Variants in TM7SF3 observed in about 807,000 individuals in gnomAD.
The protein encoded by TM7SF3 is seven span transmembrane protein.
In TM7SF3, 60 loss-of-function variants were observed where a neutral mutation model predicts 65.5. The ratio of observed to expected loss-of-function variants is 0.92; its 90% confidence interval spans 0.74 to 1.14. TM7SF3 has a LOEUF of 1.14. Among genes scored for constraint, TM7SF3 ranks in the 50% most tolerant of loss-of-function variants. TM7SF3 has a pLI of 0.00. For synonymous variants in TM7SF3, 264 were observed against 259.6 expected (o/e 1.02, Z -0.16); for missense variants, 623 against 684.8 (o/e 0.91, Z 1.01).
At chr12:26,977,072 C>T (rs931686586) in intron 9 of TM7SF3, among the ~76,000 whole-genome samples, 9 of 152,318 alleles carry the variant, frequency 5.9e-5, no homozygotes, top group African/African-American at 2.2e-4. Flanking sequence ...CTGACACTGG[C>T]ACCACCATTC....
intron 6 of TM7SF3, among the ~76,000 whole-genome samples, chr12:26,988,661 AGAG>A (rs999166496): frequency 2.6e-4 from 37 of 143,532 alleles, no homozygotes; most frequent in African/African-American, 9.0e-4. Flanking sequence ...CATATGGTTC[AGAG>A]AAGAAAATTG....
chr12:26,990,332 CAG>C (rs965768708), intron 6 of TM7SF3, 116 bp downstream of exon 6: 9 of 704,262 alleles, frequency 1.3e-5, no homozygotes, highest in African/African-American at 5.4e-5. Flanking sequence ...GTGCCTAGAA[CAG>C]AGAGTGGAAT....
At chr12:26,993,279 A>G (rs1218824431) in intron 5 of TM7SF3, among the ~76,000 whole-genome samples, 1 of 152,150 alleles carries the variant, frequency 6.6e-6, no homozygotes, top group East Asian at 1.9e-4. Flanking sequence ...TTTACGGCCA[A>G]TCTCAGTAAT....
chr12:26,997,468 T>G (rs563972561), intron 3 of TM7SF3, among the ~76,000 whole-genome samples: 1 of 152,356 alleles, frequency 6.6e-6, no homozygotes, highest in East Asian at 1.9e-4. Context: ...GTATGCCAGC[T>G]GAAGCTCCTC....
At chr12:26,984,453 A>AAC (rs901835999) in intron 6 of TM7SF3, among the ~76,000 whole-genome samples, 12 of 150,112 alleles carry the variant, frequency 8.0e-5, no homozygotes, top group South Asian at 2.1e-4. Flanking sequence ...GAAAAACAAA[A>AAC]AAAAAAAACC....
chr12:27,008,270 G>A (rs577544750), intron 1 of TM7SF3, among the ~76,000 whole-genome samples: 26 of 152,062 alleles, frequency 1.7e-4, no homozygotes, highest in Middle Eastern at 3.4e-3. Flanking sequence ...ATTTTAATTC[G>A]CACTTCCCTA....
chr12:26,993,585 A>C (rs1029792856), intron 5 of TM7SF3, among the ~76,000 whole-genome samples: 1 of 152,100 alleles, frequency 6.6e-6, no homozygotes, highest in Non-Finnish European at 1.5e-5. Flanking sequence ...CTATAAGGTC[A>C]CTCCATGTTA....
rs1157373531 is a variant in TM7SF3 at position 26,979,847 on chromosome 12, T to A, written c.1126A>T (p.Met376Leu). Residue 376 changes from methionine (M) to leucine (L), a missense_variant, in exon 9 of 12, where the codon ATG becomes TTG. Transcript: ENST00000343028. ...WWRFGILSIC[M>L]LCVGLVLGFL... Reference sequence around the variant, plus strand: ...CCCAGCACTAGTCCAACACAGAGCATGCAGATCGAGAGGATTCCAAATCGC... The same window carrying A: ...CCCAGCACTAGTCCAACACAGAGCAAGCAGATCGAGAGGATTCCAAATCGC... 1.2e-6 allele frequency: 2 copies of A among 1,614,150 alleles called. No homozygotes were observed. The highest frequency in any genetic ancestry group is 1.3e-5 in the African/African-American group (1 of 75,054).
rs777939618 is a variant in TM7SF3 at position 26,982,788 on chromosome 12, T to C, written c.940A>G (p.Arg314Gly). 2.5e-6 allele frequency: 4 copies of C among 1,608,866 alleles called. No homozygotes were observed. Among genetic ancestry groups the C allele is most frequent in the Non-Finnish European group, 3.4e-6 (4 of 1,178,218 alleles). ...GACATAATACCTGTTTTCCAGAATC[T>C]GTGTCCAAAGAAACAAATGAAGAAA... is the stretch of plus-strand genomic sequence containing the variant. ...LGFFICFFGH[R>G]FWKTELFFIG... Residue 314 changes from arginine to glycine, a missense_variant, in exon 7 of 12, where the codon AGA becomes GGA. Arg to Gly is a moderately radical substitution (Grantham distance 125). Coordinates refer to ENST00000343028, the MANE Select transcript of TM7SF3 (RefSeq NM_016551.3).
Position 26,973,607 on chromosome 12 carries a change from C to G in TM7SF3, c.*358G>C, listed in dbSNP as rs1206786728. On this transcript the variant is annotated 3_prime_UTR_variant, in exon 12 of 12. Transcript: ENST00000343028. ...ACAGGCTCAGGTGAGAGACTTGTTT[C>G]AAGGGGTTATAAAAAGAAACACCAG... The G allele has an allele frequency of 5.7e-6, 1 of 175,940 alleles. No individual in the cohort carries two copies. The highest frequency in any genetic ancestry group is 2.4e-5 in the African/African-American group (1 of 42,048). The allele number at this position is 175,940 out of a possible 1,614,324, so 10.9% of individuals were successfully genotyped here. A position where few individuals can be genotyped will look rare whatever the true frequency, so the allele number is the denominator to read the frequency against.
At chr12:26,999,060 C>T (rs1057234107) in intron 3 of TM7SF3, among the ~76,000 whole-genome samples, 1 of 152,184 alleles carries the variant, frequency 6.6e-6, no homozygotes, top group Non-Finnish European at 1.5e-5. Flanking sequence ...CTAGTCACTA[C>T]CTGAGCTTTC....
In TM7SF3 at chr12:26,979,822, C is replaced by A; in HGVS notation, c.1151G>T (p.Gly384Val). Residue 384 changes from glycine (G) to valine (V), a missense_variant, in exon 9 of 12, where the codon GGG becomes GTG. Transcript: ENST00000343028. ...ICMLCVGLVLGFLISSVTFFT... is the reference protein window; with the variant it reads ...ICMLCVGLVLVFLISSVTFFT... ...GAAAGTCACTGACGAGATGAGGAAC[C>A]CCAGCACTAGTCCAACACAGAGCAT... 1 of 1,614,050 alleles carries A rather than the reference C, an allele frequency of 6.2e-7. No individual in the cohort carries two copies. Among genetic ancestry groups the A allele is most frequent in the Non-Finnish European group, 8.5e-7 (1 of 1,179,980 alleles).
chr12:27,002,539 G>T (rs1460618799), intron 2 of TM7SF3, among the ~76,000 whole-genome samples: 1 of 152,104 alleles, frequency 6.6e-6, no homozygotes, highest in African/African-American at 2.4e-5. Flanking sequence ...CAAATAAAAA[G>T]AAGTATAACT....
At chr12:26,983,090 A>G (rs1027576694) in intron 6 of TM7SF3, among the ~76,000 whole-genome samples, 2 of 152,158 alleles carry the variant, frequency 1.3e-5, no homozygotes, top group Non-Finnish European at 2.9e-5. Flanking sequence ...CAGACAATAT[A>G]TGCTTGCTGA....
intron 6 of TM7SF3, among the ~76,000 whole-genome samples, chr12:26,989,608 A>G (rs1401491097): frequency 6.6e-6 from 1 of 152,054 alleles, no homozygotes; most frequent in African/African-American, 2.4e-5. Context: ...GATTATACAG[A>G]AATTCTTTAT....
intron 6 of TM7SF3, 92 bp from the exon 7 acceptor site, chr12:26,982,951 T>C (rs1939881353): frequency 2.3e-6 from 2 of 862,254 alleles, no homozygotes; most frequent in Admixed American, 3.2e-5. Context: ...AAAAGCTAAG[T>C]GAACTGACAT....
At position 26,992,273 on chromosome 12, in the gene TM7SF3, A is replaced by T. The variant is rs532936190; in HGVS notation, c.691-1646T>A. Among the ~76,000 whole-genome samples the T allele has an allele frequency of 3.9e-3, 590 of 151,422 alleles. 3 individuals are homozygous for T. Among genetic ancestry groups the T allele is most frequent in the African/African-American group, 9.4e-3 (390 of 41,296 alleles). ...AACACAAAGGCTATTTTATTTTTTT[A>T]TTATTATTATTATTATTATTGAGAC... On this transcript the variant is annotated intron_variant, in intron 5 of 11. Coordinates refer to ENST00000343028, the MANE Select transcript of TM7SF3 (RefSeq NM_016551.3).
chr12:26,985,485 T>C (rs10466808), intron 6 of TM7SF3, among the ~76,000 whole-genome samples: 93,779 of 150,692 alleles, frequency 0.62, 29,897 homozygotes, highest in African/African-American at 0.75. Context: ...ATTAGCAGGG[T>C]GTGGTGGTAC....
At chr12:27,001,197 G>A (rs73088794) in intron 2 of TM7SF3, among the ~76,000 whole-genome samples, 16,276 of 152,188 alleles carry the variant, frequency 0.11, 1,107 homozygotes, top group Non-Finnish European at 0.16. Flanking sequence ...CCTGAGCCAT[G>A]TGCAGTTCTG....
Sources: allele counts gnomAD v4.1 joint callset (sites outside exome capture counted in the v4.1 genomes callset), GRCh38; gene constraint gnomAD v4.1.1; transcripts MANE v1.5; gene names NCBI Gene and HGNC (gene_info 2026-07-23, HGNC 2026-07-21).